Variants in ECT2L observed in about 807,000 individuals in gnomAD.
The protein encoded by ECT2L is epithelial cell-transforming sequence 2 oncogene-like.
In ECT2L, 126 loss-of-function variants were observed where a neutral mutation model predicts 122.8. The observed-to-expected ratio is 1.03, with a 90% CI of 0.89 to 1.19. The LOEUF is 1.19. Ranked by LOEUF, ECT2L falls within the 50% of genes most tolerant of loss-of-function variation. ECT2L has a pLI of 0.00. For missense variants in ECT2L, 1,012 were observed against 1,064.1 expected (o/e 0.95, Z 0.68); for synonymous variants, 385 against 381.8 (o/e 1.01, Z -0.10).
intron 10 of ECT2L, among the ~76,000 whole-genome samples, chr6:138,859,181 TCTGA>T (rs1354252905): frequency 6.6e-6 from 1 of 152,228 alleles, no homozygotes; most frequent in Admixed American, 6.5e-5. Context: ...GTATTCTCTG[TCTGA>T]CTTTCTTCAT....
chr6:138,836,755 C>T (rs74907670), intron 4 of ECT2L, among the ~76,000 whole-genome samples: 6,217 of 151,986 alleles, frequency 0.041, 169 homozygotes, highest in African/African-American at 0.079. Context: ...CTCAGGAACG[C>T]CTGTTTTATT....
chr6:138,866,589 G>A (rs576723711), intron 12 of ECT2L, among the ~76,000 whole-genome samples: 1 of 152,182 alleles, frequency 6.6e-6, no homozygotes, highest in South Asian at 2.1e-4. Context: ...GTTTCACCAT[G>A]TTGGCCAGGT....
intron 4 of ECT2L, among the ~76,000 whole-genome samples, chr6:138,815,528 C>T (rs540581536): frequency 2.0e-5 from 3 of 152,200 alleles, no homozygotes; most frequent in Non-Finnish European, 4.4e-5. Context: ...TCTGGTAGCC[C>T]GAGGCCAACA....
At chr6:138,815,143 C>T (rs1776025546) in intron 4 of ECT2L, among the ~76,000 whole-genome samples, 1 of 152,144 alleles carries the variant, frequency 6.6e-6, no homozygotes, top group Admixed American at 6.5e-5. Context: ...GATGGTGTGA[C>T]ATCTGTGAGT....
chr6:138,804,669 G>A (rs925320704), intron 1 of ECT2L, among the ~76,000 whole-genome samples: 2 of 152,078 alleles, frequency 1.3e-5, no homozygotes, highest in African/African-American at 4.8e-5. Flanking sequence ...AGTTGAGGGA[G>A]TTAATCTCTT....
rs1778793075 is a variant in ECT2L at position 138,885,591 on chromosome 6, G to A, written c.2102+12G>A. 1.2e-6 allele frequency: 2 copies of A among 1,614,200 alleles called. No homozygotes were observed. Among genetic ancestry groups the A allele is most frequent in the Non-Finnish European group, 1.7e-6 (2 of 1,180,020 alleles). On this transcript the variant is annotated intron_variant, in intron 17 of 21. Coordinates refer to ENST00000541398, the MANE Select transcript of ECT2L (RefSeq NM_001077706.3). The stretch of plus-strand genomic sequence containing the variant: ...ACCAAAATGCTGAGGTACGTTCTGA[G>A]GGAGAGCACAGCAGGGGTCCCCCCA...
At position 138,882,869 on chromosome 6, in the gene ECT2L, AAGGTAAATG is replaced by A. The variant is rs554645676; in HGVS notation, c.2028+1_2028+9del. ...CCCTGTCATTCTGAAAACTATTGAG[AAGGTAAATG>A]AGTTTCAATTCCATCATTCTATAAG... On this transcript the variant is annotated splice_donor_variant and splice_donor_5th_base_variant and coding_sequence_variant and intron_variant, in exon 16 of 22. Transcript: ENST00000541398. LOFTEE classifies it high-confidence loss of function. 9,284 of 1,613,714 alleles carry A rather than the reference AAGGTAAATG, an allele frequency of 5.8e-3. 125 individuals are homozygous for A. Among genetic ancestry groups the A allele is most frequent in the East Asian group, 0.043 (1,932 of 44,844 alleles).
At chr6:138,856,450 T>G (rs1049280215) in intron 10 of ECT2L, among the ~76,000 whole-genome samples, 2 of 152,098 alleles carry the variant, frequency 1.3e-5, no homozygotes, top group Non-Finnish European at 2.9e-5. Flanking sequence ...TCTGACCTCA[T>G]GATCCGCCCA....
intron 20 of ECT2L, among the ~76,000 whole-genome samples, chr6:138,897,044 A>G (rs1190584388): frequency 6.6e-6 from 1 of 152,214 alleles, no homozygotes; most frequent in Non-Finnish European, 1.5e-5. Context: ...TTTAACAACA[A>G]TAACAAAACA....
intron 16 of ECT2L, among the ~76,000 whole-genome samples, chr6:138,884,210 G>C (rs960515349): frequency 1.3e-5 from 2 of 152,152 alleles, no homozygotes; most frequent in African/African-American, 4.8e-5. Context: ...ATTTCACTTG[G>C]TCTTAGCCGA....
intron 4 of ECT2L, among the ~76,000 whole-genome samples, chr6:138,826,097 C>T (rs1248600301): frequency 6.6e-6 from 1 of 152,238 alleles, no homozygotes; most frequent in Admixed American, 6.5e-5. Context: ...AGTCCACAGG[C>T]TCCTCTGCTC....
At position 138,887,229 on chromosome 6, in the gene ECT2L, A is replaced by ATT. The variant is rs772909250; in HGVS notation, c.2325+321_2325+322dup. On this transcript the variant is annotated intron_variant, in intron 19 of 21. Transcript: ENST00000541398. ...TGTTCTACTTGTTTTCTTTTCTTTA[A>ATT]TTTTTTTTTTTTTTTGAGACCGAGT... 1.3e-3 allele frequency among the ~76,000 whole-genome samples: 125 copies of ATT among 94,226 alleles called. 4 individuals carry two copies. The highest frequency in any genetic ancestry group is 3.1e-3 in the African/African-American group (100 of 32,284). 61.8% of individuals were successfully genotyped at this position (94,226 alleles called of 152,430 possible).
At position 138,882,770 on chromosome 6, in the gene ECT2L, G is replaced by T; in HGVS notation, c.1927G>T (p.Ala643Ser). Reference sequence around the variant, plus strand: ...AGACAGACTGCAGGAATGGGGCCCAGCTCACTGTGTGGGAGAAATAGTCAC... The same window carrying T: ...AGACAGACTGCAGGAATGGGGCCCATCTCACTGTGTGGGAGAAATAGTCAC... Reference protein sequence around the residue: ...LRDRLQEWGPAHCVGEIVTKF... With the variant: ...LRDRLQEWGPSHCVGEIVTKF... Residue 643 changes from alanine to serine, a missense_variant, in exon 16 of 22, where the codon GCT (alanine) becomes TCT (serine). By Grantham distance (99) the Ala-to-Ser change is moderately conservative. Transcript: ENST00000541398. The T allele has an allele frequency of 6.2e-7, 1 of 1,614,210 alleles. No individual in the cohort carries two copies. The highest frequency in any genetic ancestry group is 8.5e-7 in the Non-Finnish European group (1 of 1,180,032).
rs61251928 is a variant in ECT2L, at chr6:138,829,731, C to CTTT, written c.180-8614_180-8612dup. Among the ~76,000 whole-genome samples the CTTT allele has an allele frequency of 6.0e-5, 9 of 149,906 alleles. No homozygotes were observed. In the East Asian group the frequency reaches 7.9e-4, roughly 13 times the overall value. On this transcript the variant is annotated intron_variant, in intron 4 of 21. Transcript: ENST00000541398. ...TTTCTGTGTTTTTGGTTTTTTTTTC[C>CTTT]TTTTTTTTTGAGACAGAGTCTCACT...
intron 10 of ECT2L, among the ~76,000 whole-genome samples, chr6:138,859,306 T>C (rs1252152759): frequency 6.6e-6 from 1 of 152,238 alleles, no homozygotes; most frequent in Admixed American, 6.5e-5. Flanking sequence ...TCCATTAATT[T>C]GTTGATAGAT....
intron 9 of ECT2L, among the ~76,000 whole-genome samples, chr6:138,851,624 A>C (rs1278664847): frequency 1.3e-5 from 2 of 151,908 alleles, no homozygotes; most frequent in African/African-American, 4.8e-5. Flanking sequence ...TCTTCTTCAG[A>C]GAAATGTCTA....
At chr6:138,815,822 G>T (rs1448741345) in intron 4 of ECT2L, among the ~76,000 whole-genome samples, 4 of 152,138 alleles carry the variant, frequency 2.6e-5, no homozygotes, top group Non-Finnish European at 5.9e-5. Flanking sequence ...GATCAAATTG[G>T]CATATTTTAG....
chr6:138,900,078 A>G (rs1350048310), intron 20 of ECT2L, among the ~76,000 whole-genome samples: 1 of 152,216 alleles, frequency 6.6e-6, no homozygotes, highest in African/African-American at 2.4e-5. Flanking sequence ...ACAAAGAACT[A>G]TTTAATTTTT....
intron 20 of ECT2L, among the ~76,000 whole-genome samples, chr6:138,896,326 C>T (rs1185871125): frequency 1.3e-5 from 2 of 152,080 alleles, no homozygotes; most frequent in Non-Finnish European, 2.9e-5. Flanking sequence ...GAGGCCTGGC[C>T]TTGTTCATCA....
Sources: gnomAD v4.1 joint callset for allele counts (sites outside exome capture counted in the v4.1 genomes callset) on GRCh38, gnomAD v4.1.1 for gene constraint, MANE v1.5 for transcripts, NCBI Gene and HGNC (gene_info 2026-07-23, HGNC 2026-07-21) for gene names.